Variants in ASIC2 observed in about 807,000 individuals in gnomAD.
ASIC2 encodes the protein acid-sensing ion channel 2.
A neutral mutation model predicts 57.3 loss-of-function variants in ASIC2; 25 were observed. That is an observed-to-expected ratio of 0.44 (90% CI 0.32 to 0.61). The LOEUF is 0.61. ASIC2 is among the 20% of genes least tolerant of loss of function. ASIC2 has a pLI of 0.06. For synonymous variants in ASIC2, 319 were observed against 307.5 expected, an observed-to-expected ratio of 1.04 and a Z score of -0.39; for missense variants, 641 against 738.1, an observed-to-expected ratio of 0.87 and a Z score of 1.52.
chr17:34,052,943 C>A (rs1908625669), intron 1 of ASIC2, among the ~76,000 whole-genome samples: 1 of 151,730 alleles, frequency 6.6e-6, no homozygotes, highest in Non-Finnish European at 1.5e-5. Flanking sequence ...CATCCCTCAT[C>A]TTTTCTCCCT....
At chr17:33,597,073 C>A (rs549572317) in intron 1 of ASIC2, among the ~76,000 whole-genome samples, 2 of 152,340 alleles carry the variant, frequency 1.3e-5, no homozygotes, top group African/African-American at 2.4e-5. Context: ...CCAAAGGCTT[C>A]ATGACAGGCT....
chr17:33,937,109 G>A (rs1175569421), intron 1 of ASIC2, among the ~76,000 whole-genome samples: 1 of 152,170 alleles, frequency 6.6e-6, no homozygotes, highest in Non-Finnish European at 1.5e-5. Flanking sequence ...GCTGGGAAAT[G>A]CCTCTTTTTG....
intron 1 of ASIC2, among the ~76,000 whole-genome samples, chr17:33,435,336 G>C (rs1911570050): frequency 6.6e-6 from 1 of 152,180 alleles, no homozygotes; most frequent in East Asian, 1.9e-4. Context: ...GGGATATCTT[G>C]TCATAGTAAA....
At chr17:33,148,107 C>T (rs1286125535) in intron 1 of ASIC2, among the ~76,000 whole-genome samples, 1 of 152,178 alleles carries the variant, frequency 6.6e-6, no homozygotes, top group East Asian at 1.9e-4. Context: ...AATAACAACG[C>T]CTTGTCAGTA....
At chr17:33,744,458 A>G (rs1269413449) in intron 1 of ASIC2, among the ~76,000 whole-genome samples, 1 of 152,240 alleles carries the variant, frequency 6.6e-6, no homozygotes, top group Non-Finnish European at 1.5e-5. Flanking sequence ...CTAGGTGAGC[A>G]CTGAGGAGCA....
chr17:33,846,824 A>C (rs1238449763), intron 1 of ASIC2, among the ~76,000 whole-genome samples: 3 of 151,002 alleles, frequency 2.0e-5, no homozygotes, highest in Admixed American at 2.0e-4. Context: ...TCCCGGGTTC[A>C]CGCCTTTCTC....
At chr17:33,450,614 C>G (rs1378328889) in intron 1 of ASIC2, among the ~76,000 whole-genome samples, 1 of 152,150 alleles carries the variant, frequency 6.6e-6, no homozygotes, top group Non-Finnish European at 1.5e-5. Context: ...GTACTTAATA[C>G]TATTGAACTG....
chr17:33,323,650 G>T (rs1172645626), intron 1 of ASIC2, among the ~76,000 whole-genome samples: 1 of 152,188 alleles, frequency 6.6e-6, no homozygotes, highest in Non-Finnish European at 1.5e-5. Context: ...GGAGGCGGAG[G>T]TTGCAGTGAG....
intron 1 of ASIC2, among the ~76,000 whole-genome samples, chr17:33,548,919 A>G (rs778030884): frequency 2.0e-5 from 3 of 151,948 alleles, no homozygotes; most frequent in Non-Finnish European, 4.4e-5. Flanking sequence ...TTCCCTGACT[A>G]TCTAATCTAG....
chr17:33,173,101 C>G (rs1310852376), intron 1 of ASIC2, among the ~76,000 whole-genome samples: 1 of 152,194 alleles, frequency 6.6e-6, no homozygotes, highest in Admixed American at 6.5e-5. Flanking sequence ...GCATACAGTA[C>G]GTGCTCCATA....
intron 1 of ASIC2, chr17:34,037,714 C>A (rs1457919522): frequency 2.5e-6 from 4 of 1,613,970 alleles, no homozygotes; most frequent in Non-Finnish European, 3.4e-6. Context: ...GGATGTGAGG[C>A]AACAAGTAGG....
At chr17:33,204,592 T>A (rs545291832) in intron 1 of ASIC2, among the ~76,000 whole-genome samples, 1 of 152,312 alleles carries the variant, frequency 6.6e-6, no homozygotes, top group African/African-American at 2.4e-5. Flanking sequence ...ACTCCAAAAG[T>A]GGCAACCATG....
chr17:33,889,742 T>C (rs555854928), intron 1 of ASIC2, among the ~76,000 whole-genome samples: 1 of 152,296 alleles, frequency 6.6e-6, no homozygotes, highest in Admixed American at 6.5e-5. Context: ...CTCACTCCAG[T>C]GCAGATGCAA....
intron 1 of ASIC2, among the ~76,000 whole-genome samples, chr17:34,050,163 G>A (rs1908500555): frequency 6.6e-6 from 1 of 152,182 alleles, no homozygotes. Context: ...AGCCCAAGAA[G>A]AAAACAGAGA....
intron 1 of ASIC2, among the ~76,000 whole-genome samples, chr17:33,855,989 G>C (rs1913917203): frequency 6.6e-6 from 1 of 152,000 alleles, no homozygotes; most frequent in Non-Finnish European, 1.5e-5. Flanking sequence ...CAATTTAAAA[G>C]GAGAAAAGAA....
At chr17:33,508,851 G>T in intron 1 of ASIC2, among the ~76,000 whole-genome samples, 1 of 152,146 alleles carries the variant, frequency 6.6e-6, no homozygotes, top group Non-Finnish European at 1.5e-5. Flanking sequence ...TCCAGAAAAA[G>T]CCCTGTCAAT....
chr17:33,058,516 A>G (rs112459880), intron 3 of ASIC2, among the ~76,000 whole-genome samples: 3 of 151,644 alleles, frequency 2.0e-5, no homozygotes, highest in Non-Finnish European at 2.9e-5. Context: ...ACAACAAAAA[A>G]CACCAAACAT....
intron 1 of ASIC2, among the ~76,000 whole-genome samples, chr17:33,872,415 C>A (rs1037271623): frequency 2.0e-5 from 3 of 152,132 alleles, no homozygotes; most frequent in African/African-American, 7.2e-5. Context: ...AGTCATTCAA[C>A]CCGTATGTGG....
At chr17:34,112,153 G>T (rs148748125) in intron 1 of ASIC2, among the ~76,000 whole-genome samples, 3 of 152,118 alleles carry the variant, frequency 2.0e-5, no homozygotes, top group Non-Finnish European at 4.4e-5. Flanking sequence ...GAATAGAAGA[G>T]ACCAAAATCT....
Sources: allele counts gnomAD v4.1 joint callset (sites outside exome capture counted in the v4.1 genomes callset), GRCh38; gene constraint gnomAD v4.1.1; transcripts MANE v1.5; gene names NCBI Gene and HGNC (gene_info 2026-07-23, HGNC 2026-07-21).